The following ARGFX variants were observed in gnomAD, a reference collection of about 807,000 sequenced individuals.
ARGFX encodes the protein arginine-fifty homeobox.
In ARGFX, 10 loss-of-function variants were observed where a neutral mutation model predicts 8.0. That is an observed-to-expected ratio of 1.25 (90% CI 0.77 to 2.12). ARGFX has a LOEUF of 2.12. Ranked by LOEUF, ARGFX falls within the 30% of genes most tolerant of loss-of-function variation. The pLI is 0.00. For missense variants in ARGFX, 282 were observed against 324.3 expected (o/e 0.87, Z 1.00); for synonymous variants, 116 against 117.8 (o/e 0.98, Z 0.10).
rs1382764800 is a variant in ARGFX at position 121,587,636 on chromosome 3, CA to C, written c.*1037del. 5.3e-5 allele frequency among the ~76,000 whole-genome samples: 8 copies of C among 152,016 alleles called. No homozygotes were observed. The highest frequency in any genetic ancestry group is 6.6e-5 in the Admixed American group (1 of 15,240). Reference sequence around the variant, plus strand: ...TTAATGACAGAAAGTTATAAACTTACATTTTGTTTCCAATTTTTCATTTTTT... The same window carrying C: ...TTAATGACAGAAAGTTATAAACTTACTTTTGTTTCCAATTTTTCATTTTTT... On this transcript the variant is annotated 3_prime_UTR_variant, in exon 5 of 5. Transcript: ENST00000334384.
intron 2 of ARGFX, among the ~76,000 whole-genome samples, chr3:121,574,241 C>T (rs1482084786): frequency 6.6e-6 from 1 of 152,178 alleles, no homozygotes; most frequent in Non-Finnish European, 1.5e-5. Context: ...CAGTCTCCAA[C>T]CTTTTTGGCA....
At chr3:121,581,019 G>T (rs2048776962) in intron 3 of ARGFX, among the ~76,000 whole-genome samples, 1 of 151,934 alleles carries the variant, frequency 6.6e-6, no homozygotes, top group South Asian at 2.1e-4. Flanking sequence ...TCGCTCTGTT[G>T]CCCAGGAGTG....
At chr3:121,581,949 A>G (rs2048782944) in intron 3 of ARGFX, among the ~76,000 whole-genome samples, 1 of 152,046 alleles carries the variant, frequency 6.6e-6, no homozygotes. Context: ...CACATTTCCC[A>G]TGATTAATAG....
chr3:121,578,931 C>T (rs781413302), intron 3 of ARGFX, among the ~76,000 whole-genome samples: 4 of 151,814 alleles, frequency 2.6e-5, no homozygotes, highest in Non-Finnish European at 5.9e-5. Context: ...CCTGCCTTGG[C>T]CTCCCAAAGT....
At chr3:121,584,530 C>T (rs1484746629) in intron 3 of ARGFX, among the ~76,000 whole-genome samples, 5 of 152,256 alleles carry the variant, frequency 3.3e-5, no homozygotes, top group Middle Eastern at 3.4e-3. Flanking sequence ...AGCTACTATC[C>T]ACTGTCCTGA....
In ARGFX at chr3:121,586,780, A is replaced by G. The variant is rs115045570; in HGVS notation, c.*180A>G. 4.1e-3 allele frequency: 2,458 copies of G among 605,826 alleles called. 14 individuals carry two copies. The highest frequency in any genetic ancestry group is 5.7e-3 in the Non-Finnish European group (2,018 of 353,272). 37.5% of individuals were successfully genotyped at this position (605,826 alleles called of 1,614,324 possible). ...TGGGCACTACGTAATCAGCCCCACA[A>G]GTCTCCCTGAGAAGCCTGCCTAGTC... is the stretch of plus-strand genomic sequence containing the variant. On this transcript the variant is annotated 3_prime_UTR_variant, in exon 5 of 5. Coordinates refer to ENST00000334384, the MANE Select transcript of ARGFX (RefSeq NM_001012659.2).
At chr3:121,572,030 C>T (rs1298915626) in intron 2 of ARGFX, among the ~76,000 whole-genome samples, 2 of 151,206 alleles carry the variant, frequency 1.3e-5, no homozygotes, top group African/African-American at 2.4e-5. Flanking sequence ...GGGGTTTCAC[C>T]GTGTTAGCCA....
chr3:121,579,553 T>G (rs1163380626), intron 3 of ARGFX, among the ~76,000 whole-genome samples: 1 of 152,218 alleles, frequency 6.6e-6, no homozygotes, highest in Admixed American at 6.5e-5. Flanking sequence ...CCCTGTGCCC[T>G]CTCTGTAGTC....
chr3:121,575,106 T>A (rs1017408619), intron 2 of ARGFX, among the ~76,000 whole-genome samples: 2 of 151,694 alleles, frequency 1.3e-5, no homozygotes, highest in Admixed American at 6.6e-5. Flanking sequence ...GATCACAGGG[T>A]CAAGAGATCG....
intron 3 of ARGFX, among the ~76,000 whole-genome samples, chr3:121,579,905 A>G (rs978195421): frequency 1.7e-5 from 2 of 119,006 alleles, no homozygotes; most frequent in African/African-American, 6.9e-5. Context: ...AATCAAATTT[A>G]TATTTTCTTT....
intron 3 of ARGFX, among the ~76,000 whole-genome samples, chr3:121,579,881 A>T (rs2048766523): frequency 6.8e-6 from 1 of 148,126 alleles, no homozygotes. Flanking sequence ...GAGCCACCGC[A>T]CCTGGCCTTC....
intron 3 of ARGFX, among the ~76,000 whole-genome samples, chr3:121,577,348 G>A (rs1240826565): frequency 1.3e-5 from 2 of 148,942 alleles, no homozygotes; most frequent in Non-Finnish European, 3.0e-5. Context: ...CCACCTCCTG[G>A]GTTCAAGCGA....
intron 1 of ARGFX, among the ~76,000 whole-genome samples, chr3:121,569,097 A>G (rs1303747779): frequency 6.6e-6 from 1 of 152,222 alleles, no homozygotes; most frequent in African/African-American, 2.4e-5. Flanking sequence ...ACACACAAAA[A>G]AAAATTGTGA....
Position 121,585,037 on chromosome 3 carries a change from G to A in ARGFX, c.341G>A (p.Arg114Lys), listed in dbSNP as rs777806670. The change falls in exon 4 of 5, where the codon AGA (arginine) becomes AAA (lysine). Residue 114 changes from arginine to lysine, a missense_variant. Physicochemically the swap from Arg to Lys is conservative, Grantham distance 26. Transcript: ENST00000334384. ...DRNLQEKLAL[R>K]LDLPESTVKV... ...AATCTTCAGGAGAAACTAGCTTTGAGACTCGACCTACCGGAGTCAACAGTA... is the reference window on the plus strand; with the variant it reads ...AATCTTCAGGAGAAACTAGCTTTGAAACTCGACCTACCGGAGTCAACAGTA... 10 of 1,613,844 alleles carry A rather than the reference G, an allele frequency of 6.2e-6. No individual in the cohort carries two copies. The East Asian group carries it at 6.7e-5, about 11-fold the overall frequency.
At chr3:121,577,259 A>ATATATATATATTTTT (rs1403064031) in intron 3 of ARGFX, among the ~76,000 whole-genome samples, 6 of 59,616 alleles carry the variant, frequency 1.0e-4, no homozygotes, top group East Asian at 1.4e-3. Context: ...ATATATATAT[A>ATATATATATATTTTT]TTTTTTTTTT....
chr3:121,569,276 CT>C (rs1254312754), intron 1 of ARGFX, among the ~76,000 whole-genome samples: 1 of 151,654 alleles, frequency 6.6e-6, no homozygotes, highest in East Asian at 1.9e-4. Flanking sequence ...TTCTTGTAGC[CT>C]TTGAAATAAT....
chr3:121,579,543 C>T (rs1193320966), intron 3 of ARGFX, among the ~76,000 whole-genome samples: 3 of 152,198 alleles, frequency 2.0e-5, no homozygotes, highest in African/African-American at 7.2e-5. Flanking sequence ...AGCTCTGTTC[C>T]CCTGTGCCCT....
At chr3:121,571,449 C>T (rs1263592893) in intron 2 of ARGFX, among the ~76,000 whole-genome samples, 1 of 151,774 alleles carries the variant, frequency 6.6e-6, no homozygotes, top group African/African-American at 2.4e-5. Context: ...AAGAAATAAA[C>T]TTAACTAAGG....
At chr3:121,577,241 ATATATATATATATATATAT>A (rs1297133914) in intron 3 of ARGFX, among the ~76,000 whole-genome samples, 1,600 of 65,284 alleles carry the variant, frequency 0.025, 26 homozygotes, top group African/African-American at 0.045. Flanking sequence ...ATATATATAT[ATATATATATATATATATAT>A]TTTTTTTTTT....
Sources: allele counts gnomAD v4.1 joint callset (sites outside exome capture counted in the v4.1 genomes callset), GRCh38; gene constraint gnomAD v4.1.1; transcripts MANE v1.5; gene names NCBI Gene and HGNC (gene_info 2026-07-23, HGNC 2026-07-21).